TACR1: variants seen among roughly 807,000 people sequenced by gnomAD.
TACR1 encodes the protein tachykinin receptor 1, also known as substance-P receptor.
A neutral mutation model predicts 35.8 loss-of-function variants in TACR1; 25 were observed. The ratio of observed to expected loss-of-function variants is 0.70; its 90% confidence interval spans 0.51 to 0.98. The LOEUF (loss-of-function observed/expected upper bound fraction) is 0.98, where lower values mean the gene tolerates loss of function less well. TACR1 is among the 50% of genes least tolerant of loss of function. The pLI is 0.00. For synonymous variants in TACR1, 195 were observed against 206.7 expected (o/e 0.94, Z 0.48); for missense variants, 478 against 522.9 (o/e 0.91, Z 0.84).
At chr2:75,134,390 T>C (rs965652581) in intron 1 of TACR1, among the ~76,000 whole-genome samples, 1 of 152,188 alleles carries the variant, frequency 6.6e-6, no homozygotes, top group Non-Finnish European at 1.5e-5. Flanking sequence ...AGAGAAGGGC[T>C]CAGTATATTC....
At chr2:75,196,610 A>C (rs1176815021) in intron 1 of TACR1, among the ~76,000 whole-genome samples, 2 of 152,120 alleles carry the variant, frequency 1.3e-5, no homozygotes, top group African/African-American at 4.8e-5. Flanking sequence ...AACGGAGCTG[A>C]AATCTGGCTC....
intron 1 of TACR1, among the ~76,000 whole-genome samples, chr2:75,180,882 A>G (rs779201027): frequency 1.3e-5 from 2 of 152,238 alleles, no homozygotes; most frequent in Non-Finnish European, 2.9e-5. Context: ...CAGAGGCTCA[A>G]TAAATAACTG....
intron 2 of TACR1, among the ~76,000 whole-genome samples, chr2:75,101,757 G>A (rs891610372): frequency 6.6e-6 from 1 of 152,118 alleles, no homozygotes; most frequent in Non-Finnish European, 1.5e-5. Context: ...AGACCAGCCT[G>A]ACCTATATGG....
In TACR1 at chr2:75,078,195, A is replaced by C. The variant is rs576417888; in HGVS notation, c.585-24440T>G. Among the ~76,000 whole-genome samples the C allele has an allele frequency of 1.1e-4, 16 of 152,278 alleles. No individual in the cohort carries two copies. The South Asian group carries it at 1.7e-3, about 16-fold the overall frequency. On this transcript the variant is annotated intron_variant, in intron 2 of 4. Coordinates refer to ENST00000305249, the MANE Select transcript of TACR1 (RefSeq NM_001058.4). ...TGTGAAGTGTGACGATTTTGACTACAATACTTAGCTGAATTATGAGCCTAG... is the reference window on the plus strand; with the variant it reads ...TGTGAAGTGTGACGATTTTGACTACCATACTTAGCTGAATTATGAGCCTAG...
At chr2:75,137,746 A>G (rs1007228664) in intron 1 of TACR1, among the ~76,000 whole-genome samples, 110 of 151,120 alleles carry the variant, frequency 7.3e-4, no homozygotes, top group African/African-American at 2.6e-3. Flanking sequence ...AAAAAAAAAA[A>G]AAAAAAAAAA....
intron 1 of TACR1, among the ~76,000 whole-genome samples, chr2:75,166,596 T>C (rs1675148522): frequency 6.6e-6 from 1 of 152,176 alleles, no homozygotes; most frequent in Non-Finnish European, 1.5e-5. Context: ...CACTGACTCT[T>C]CCAGAGATAG....
chr2:75,140,223 G>T (rs547740839), intron 1 of TACR1, among the ~76,000 whole-genome samples: 110 of 152,186 alleles, frequency 7.2e-4, no homozygotes, highest in Non-Finnish European at 1.3e-3. Flanking sequence ...AGGGGTAGGA[G>T]GCTGGGTGGA....
At chr2:75,165,025 G>C (rs544703760) in intron 1 of TACR1, among the ~76,000 whole-genome samples, 2 of 152,234 alleles carry the variant, frequency 1.3e-5, no homozygotes, top group South Asian at 4.2e-4. Flanking sequence ...TGGATGCATG[G>C]GACCCAGCAT....
At chr2:75,070,151 T>C (rs1672848461) in intron 2 of TACR1, among the ~76,000 whole-genome samples, 1 of 152,180 alleles carries the variant, frequency 6.6e-6, no homozygotes, top group Non-Finnish European at 1.5e-5. Flanking sequence ...GTCATTTATT[T>C]TGCTCTAATT....
At chr2:75,174,336 A>C (rs530813114) in intron 1 of TACR1, among the ~76,000 whole-genome samples, 2 of 152,288 alleles carry the variant, frequency 1.3e-5, no homozygotes, top group South Asian at 2.1e-4. Context: ...GAAACCATGG[A>C]TGGTACTGAA....
intron 2 of TACR1, among the ~76,000 whole-genome samples, chr2:75,114,665 C>G (rs1473655727): frequency 6.6e-6 from 1 of 152,216 alleles, no homozygotes; most frequent in Non-Finnish European, 1.5e-5. Flanking sequence ...CTTTCTTTCT[C>G]TGTGCTTTCT....
At chr2:75,151,414 C>A (rs1034132596) in intron 1 of TACR1, among the ~76,000 whole-genome samples, 8 of 152,342 alleles carry the variant, frequency 5.3e-5, no homozygotes, top group Middle Eastern at 6.8e-3. Context: ...CCAGCTGTGG[C>A]TGAAAGGGGC....
At chr2:75,116,039 A>G (rs980357255) in intron 2 of TACR1, among the ~76,000 whole-genome samples, 1 of 152,094 alleles carries the variant, frequency 6.6e-6, no homozygotes, top group South Asian at 2.1e-4. Context: ...ATAAAGAGGG[A>G]AACAATCTAT....
intron 2 of TACR1, among the ~76,000 whole-genome samples, chr2:75,066,789 A>G (rs1051466222): frequency 6.6e-6 from 1 of 152,252 alleles, no homozygotes; most frequent in African/African-American, 2.4e-5. Context: ...AAATTGGGCA[A>G]TGCAATTTAT....
intron 2 of TACR1, among the ~76,000 whole-genome samples, chr2:75,089,742 C>T (rs1437476328): frequency 6.6e-6 from 1 of 152,188 alleles, no homozygotes; most frequent in African/African-American, 2.4e-5. Flanking sequence ...GAAAGTGAGG[C>T]TGAGAGAGTT....
At chr2:75,151,881 C>G (rs944949071) in intron 1 of TACR1, among the ~76,000 whole-genome samples, 27 of 152,218 alleles carry the variant, frequency 1.8e-4, no homozygotes, top group Non-Finnish European at 4.0e-4. Context: ...GAACCTACCT[C>G]TTGCATCACT....
At chr2:75,092,266 C>T (rs186401454) in intron 2 of TACR1, among the ~76,000 whole-genome samples, 250 of 152,182 alleles carry the variant, frequency 1.6e-3, no homozygotes, top group African/African-American at 5.7e-3. Context: ...TCCCATCCCT[C>T]CCCCAATTTT....
chr2:75,184,495 A>G (rs1302515691), intron 1 of TACR1, among the ~76,000 whole-genome samples: 1 of 151,984 alleles, frequency 6.6e-6, no homozygotes, highest in African/African-American at 2.4e-5. Context: ...ATGATGATTT[A>G]TAGACTATGC....
At chr2:75,144,636 A>G (rs1674469003) in intron 1 of TACR1, among the ~76,000 whole-genome samples, 1 of 152,214 alleles carries the variant, frequency 6.6e-6, no homozygotes. Flanking sequence ...GTGAGACATA[A>G]CCAAAAAGAA....
Sources: gnomAD v4.1 joint callset for allele counts (sites outside exome capture counted in the v4.1 genomes callset) on GRCh38, gnomAD v4.1.1 for gene constraint, MANE v1.5 for transcripts, NCBI Gene and HGNC (gene_info 2026-07-23, HGNC 2026-07-21) for gene names.